Variants in RBFOX1 observed in about 807,000 individuals in gnomAD.
RBFOX1 encodes the protein RNA binding protein fox-1 homolog 1.
RBFOX1 carries 8 observed loss-of-function variants against 57.7 expected under a neutral mutation model. The ratio of observed to expected loss-of-function variants is 0.14; its 90% CI spans 0.08 to 0.25. The LOEUF is 0.25. Ranked by LOEUF, RBFOX1 falls within the 10% of genes least tolerant of loss-of-function variation. RBFOX1 has a pLI of 1.00. For synonymous variants in RBFOX1, 326 were observed against 222.4 expected, an observed-to-expected ratio of 1.47 and a Z score of -4.15; for missense variants, 611 against 548.5, an observed-to-expected ratio of 1.11 and a Z score of -1.14.
chr16:6,599,174 C>G (rs945847445), intron 2 of RBFOX1, among the ~76,000 whole-genome samples: 3 of 152,160 alleles, frequency 2.0e-5, no homozygotes, highest in Admixed American at 6.5e-5. Context: ...TTCTAACCCA[C>G]ATGTTTCTAC....
intron 3 of RBFOX1, among the ~76,000 whole-genome samples, chr16:5,793,089 C>A (rs573824638): frequency 6.6e-6 from 1 of 152,280 alleles, no homozygotes. Flanking sequence ...TTTTCCAGAC[C>A]TCAGGCTATG....
intron 9 of RBFOX1, among the ~76,000 whole-genome samples, chr16:7,598,227 G>C (rs2094810999): frequency 1.3e-5 from 2 of 152,010 alleles, no homozygotes; most frequent in South Asian, 4.1e-4. Context: ...ATATACACAT[G>C]GTAGAATATT....
chr16:6,823,075 C>A (rs750214758), intron 3 of RBFOX1, among the ~76,000 whole-genome samples: 1 of 151,992 alleles, frequency 6.6e-6, no homozygotes, highest in African/African-American at 2.4e-5. Context: ...CAATTATTTC[C>A]ATTTTACAGA....
chr16:7,011,980 T>C (rs151077100), intron 3 of RBFOX1, among the ~76,000 whole-genome samples: 1 of 152,168 alleles, frequency 6.6e-6, no homozygotes, highest in African/African-American at 2.4e-5. Flanking sequence ...GCTAAGTAGA[T>C]CATGATGTGG....
intron 4 of RBFOX1, among the ~76,000 whole-genome samples, chr16:7,285,040 C>G (rs1393437921): frequency 1.4e-5 from 2 of 143,590 alleles, no homozygotes; most frequent in African/African-American, 2.6e-5. Flanking sequence ...CACCCTCAGT[C>G]TCAATCCAGC....
At chr16:6,845,624 A>G (rs1369303705) in intron 3 of RBFOX1, among the ~76,000 whole-genome samples, 1 of 151,950 alleles carries the variant, frequency 6.6e-6, no homozygotes, top group Non-Finnish European at 1.5e-5. Context: ...TTATCAGGAC[A>G]CTATCACTTA....
chr16:6,441,059 C>T (rs1434423913), intron 2 of RBFOX1, among the ~76,000 whole-genome samples: 2 of 151,814 alleles, frequency 1.3e-5, no homozygotes, highest in Admixed American at 6.6e-5. Flanking sequence ...TTGAGTGCAC[C>T]GTCCAAGAGT....
At chr16:7,215,811 G>C (rs1222128080) in intron 4 of RBFOX1, among the ~76,000 whole-genome samples, 2 of 147,180 alleles carry the variant, frequency 1.4e-5, no homozygotes, top group Non-Finnish European at 3.0e-5. Context: ...TGCAAGCTCT[G>C]CCTCTCGGGT....
At chr16:6,558,980 C>T (rs763678830) in intron 2 of RBFOX1, among the ~76,000 whole-genome samples, 4 of 152,134 alleles carry the variant, frequency 2.6e-5, no homozygotes, top group African/African-American at 9.7e-5. Context: ...CTCAAAAATG[C>T]CGCTTCCTCC....
At position 5,786,623 on chromosome 16, in the gene RBFOX1, T is replaced by A. The variant is rs74006295; in HGVS notation, c.319-80680T>A. On this transcript the variant is annotated intron_variant, in intron 3 of 19. Transcript: ENST00000641259. ...CTCTGCACCTGTCTTGGTCCTACAG[T>A]GAGGTTCATTCTCCTTAGCATGCCC... Among the ~76,000 whole-genome samples the A allele has an allele frequency of 4.4e-3, 668 of 152,258 alleles. 6 individuals are homozygous for A. The highest frequency in any genetic ancestry group is 0.015 in the African/African-American group (613 of 41,534).
At chr16:5,609,620 C>A (rs1240181889) in intron 3 of RBFOX1, among the ~76,000 whole-genome samples, 1 of 152,198 alleles carries the variant, frequency 6.6e-6, no homozygotes, top group East Asian at 1.9e-4. Flanking sequence ...CAAATGGGAC[C>A]CTGTGACCTG....
intron 3 of RBFOX1, among the ~76,000 whole-genome samples, chr16:6,844,558 G>A (rs767628643): frequency 2.6e-5 from 4 of 151,836 alleles, no homozygotes; most frequent in Admixed American, 1.3e-4. Flanking sequence ...GTATATGTAC[G>A]ACTTTTTTTT....
chr16:6,106,024 C>G (rs1297712619), intron 1 of RBFOX1, among the ~76,000 whole-genome samples: 3 of 151,898 alleles, frequency 2.0e-5, no homozygotes, highest in Non-Finnish European at 2.9e-5. Context: ...TAGTTAAAAG[C>G]TGAGATGAAA....
intron 5 of RBFOX1, among the ~76,000 whole-genome samples, chr16:7,525,614 G>T (rs1298568031): frequency 6.6e-6 from 1 of 152,182 alleles, no homozygotes; most frequent in African/African-American, 2.4e-5. Flanking sequence ...TGTCCCTGCG[G>T]ACTCTGTGTG....
At chr16:6,755,951 C>T (rs1454535482) in intron 3 of RBFOX1, among the ~76,000 whole-genome samples, 1 of 152,074 alleles carries the variant, frequency 6.6e-6, no homozygotes, top group African/African-American at 2.4e-5. Context: ...CCGAAAGGGA[C>T]CATTTACAGC....
chr16:6,915,558 T>C (rs1192056918), intron 3 of RBFOX1, among the ~76,000 whole-genome samples: 2 of 150,696 alleles, frequency 1.3e-5, no homozygotes, highest in African/African-American at 2.4e-5. Context: ...CCCTTTTTTT[T>C]TTTTTTTTTT....
chr16:6,040,607 A>G (rs1327664388), intron 1 of RBFOX1, among the ~76,000 whole-genome samples: 1 of 148,112 alleles, frequency 6.8e-6, no homozygotes, highest in African/African-American at 2.5e-5. Context: ...TTATTTATTT[A>G]TTTATTTTGA....
At chr16:7,120,224 T>G (rs1050848269) in intron 4 of RBFOX1, among the ~76,000 whole-genome samples, 7 of 151,978 alleles carry the variant, frequency 4.6e-5, no homozygotes, top group African/African-American at 1.7e-4. Context: ...AGTGCTTCTA[T>G]TAGAGAATAA....
At chr16:5,348,409 C>T (rs140447306) in intron 1 of RBFOX1, among the ~76,000 whole-genome samples, 1 of 152,174 alleles carries the variant, frequency 6.6e-6, no homozygotes, top group Admixed American at 6.5e-5. Flanking sequence ...AATGTTGCAT[C>T]AAATATTTTA....
Sources: allele counts gnomAD v4.1 joint callset (sites outside exome capture counted in the v4.1 genomes callset), GRCh38; gene constraint gnomAD v4.1.1; transcripts MANE v1.5; gene names NCBI Gene and HGNC (gene_info 2026-07-23, HGNC 2026-07-21).